FBXO10: variants seen among roughly 807,000 people sequenced by gnomAD.
FBXO10 encodes F-box only protein 10.
Under a neutral mutation model 80.7 loss-of-function variants are expected in FBXO10, and 39 were observed. The observed-to-expected ratio is 0.48, with a 90% CI of 0.37 to 0.63. The LOEUF (loss-of-function observed/expected upper bound fraction) is 0.63, where lower values mean the gene tolerates loss of function less well. Among genes scored for constraint, FBXO10 ranks in the 30% least tolerant of loss-of-function variants. The pLI is 0.00. For synonymous variants in FBXO10, 449 were observed against 489.6 expected, an observed-to-expected ratio of 0.92 and a Z score of 1.09; for missense variants, 1,025 against 1,269.0, an observed-to-expected ratio of 0.81 and a Z score of 2.92.
chr9:37,541,743 T>C lies in FBXO10; in HGVS notation c.26A>G (p.Glu9Gly). 1.9e-6 allele frequency: 3 copies of C among 1,603,324 alleles called. No homozygotes were observed. The highest frequency in any genetic ancestry group is 1.7e-6 in the Non-Finnish European group (2 of 1,173,012). The part of the protein sequence containing the change: MEAGGLPL[E>G]LWRMILAYLH... ...GTAGGCTAAGATCATGCGCCACAGC[T>C]CCAAGGGGAGGCCACCAGCCTCCAT... The change falls in exon 2 of 11, where the codon GAG becomes GGG. Residue 9 changes from glutamate to glycine, a missense_variant. By Grantham distance (98) the Glu-to-Gly change is moderately conservative (BLOSUM62 -2). This residue lies in a region of FBXO10 where 450 missense variants were observed against 499.4 expected (regional missense o/e 0.90). Coordinates refer to ENST00000432825, the MANE Select transcript of FBXO10 (RefSeq NM_012166.3).
Position 37,554,669 on chromosome 9 carries a change from G to A in FBXO10, c.-6-12895C>T, listed in dbSNP as rs543546659. Reference sequence around the variant, plus strand: ...GATTAGTTTTGTCTGTTCTAGAATTGCATATAAATGGGATCATGCAGTATG... The same window carrying A: ...GATTAGTTTTGTCTGTTCTAGAATTACATATAAATGGGATCATGCAGTATG... On this transcript the variant is annotated intron_variant, in intron 1 of 10. Transcript: ENST00000432825. Among the ~76,000 whole-genome samples the A allele has an allele frequency of 5.9e-5, 9 of 152,218 alleles. No homozygotes were observed. In the South Asian group the frequency reaches 8.3e-4, roughly 14 times the overall value.
chr9:37,544,586 T>C (rs1200177317), intron 1 of FBXO10, among the ~76,000 whole-genome samples: 1 of 152,246 alleles, frequency 6.6e-6, no homozygotes, highest in Non-Finnish European at 1.5e-5. Flanking sequence ...TGTCTGATTA[T>C]GTCTGGAAGA....
chr9:37,516,448 GTGCT>G (rs1349890992), intron 9 of FBXO10, among the ~76,000 whole-genome samples: 1 of 152,210 alleles, frequency 6.6e-6, no homozygotes, highest in Non-Finnish European at 1.5e-5. Flanking sequence ...TGCTCCCACA[GTGCT>G]CAGAGGCAAA....
At chr9:37,518,485 C>G in intron 8 of FBXO10, 47 bp from the exon 9 acceptor site, 4 of 1,483,374 alleles carry the variant, frequency 2.7e-6, no homozygotes, top group Non-Finnish European at 2.7e-6. Context: ...AGGGTCAGCC[C>G]TGACACCACC....
At chr9:37,521,488 A>T in intron 8 of FBXO10, 81 bp downstream of exon 8, 1 of 1,355,108 alleles carries the variant, frequency 7.4e-7, no homozygotes, top group Non-Finnish European at 9.7e-7. Flanking sequence ...AAATTAAATT[A>T]AAAGTTTTAA....
chr9:37,519,312 T>G (rs1821268024), intron 8 of FBXO10, among the ~76,000 whole-genome samples: 1 of 152,210 alleles, frequency 6.6e-6, no homozygotes, highest in African/African-American at 2.4e-5. Context: ...AAAGGAAAAC[T>G]GACGCTTGCG....
chr9:37,540,007 T>C (rs1821870562), intron 2 of FBXO10, among the ~76,000 whole-genome samples: 1 of 152,060 alleles, frequency 6.6e-6, no homozygotes, highest in South Asian at 2.1e-4. Flanking sequence ...AGTTTTCTCA[T>C]CTATAAAATC....
At chr9:37,539,255 C>G (rs1349299926) in intron 2 of FBXO10, among the ~76,000 whole-genome samples, 1 of 152,180 alleles carries the variant, frequency 6.6e-6, no homozygotes, top group African/African-American at 2.4e-5. Context: ...TATTTAAATC[C>G]ATTTTCTCTC....
rs1011334904 is a variant in FBXO10, at chr9:37,529,393, C to T, written c.1570-133G>A. The T allele has an allele frequency of 1.0e-5, 10 of 974,296 alleles. No individual in the cohort carries two copies. The African/African-American group carries it at 1.5e-4, about 14-fold the overall frequency. The allele number at this position is 974,296 out of a possible 1,614,324, so 60.4% of individuals were successfully genotyped here. On this transcript the variant is annotated intron_variant, in intron 4 of 10. Coordinates refer to ENST00000432825, the MANE Select transcript of FBXO10 (RefSeq NM_012166.3). The stretch of plus-strand genomic sequence containing the variant: ...ATGACGTCACTGTAAGAGCCCTAGC[C>T]CGTGACAAAGGGAATGGGTCACACT...
chr9:37,573,018 G>A (rs954007889), intron 1 of FBXO10, among the ~76,000 whole-genome samples: 4 of 152,112 alleles, frequency 2.6e-5, no homozygotes, highest in African/African-American at 4.8e-5. Context: ...GTGACCTGAC[G>A]ACCCCTCTTT....
At chr9:37,554,520 T>C (rs1309921564) in intron 1 of FBXO10, among the ~76,000 whole-genome samples, 3 of 152,166 alleles carry the variant, frequency 2.0e-5, no homozygotes, top group African/African-American at 7.2e-5. Flanking sequence ...TACCAAGAAA[T>C]GGAATACTCC....
At chr9:37,516,314 G>C (rs10973389) in intron 9 of FBXO10, among the ~76,000 whole-genome samples, 12,515 of 152,274 alleles carry the variant, frequency 0.082, 677 homozygotes, top group East Asian at 0.16. Context: ...ATGCACAACA[G>C]GGAGAGCTGT....
chr9:37,569,910 T>C (rs920780633), intron 1 of FBXO10, among the ~76,000 whole-genome samples: 1 of 152,228 alleles, frequency 6.6e-6, no homozygotes, highest in Non-Finnish European at 1.5e-5. Context: ...AAAGGATAAT[T>C]AGAAAATGTT....
chr9:37,556,150 T>C (rs1221533217), intron 1 of FBXO10, among the ~76,000 whole-genome samples: 1 of 152,206 alleles, frequency 6.6e-6, no homozygotes, highest in African/African-American at 2.4e-5. Context: ...TAGTGTGGGA[T>C]TATTTCTGGA....
chr9:37,544,760 C>T (rs577739280), intron 1 of FBXO10, among the ~76,000 whole-genome samples: 5 of 151,942 alleles, frequency 3.3e-5, no homozygotes, highest in Admixed American at 1.3e-4. Context: ...TTTGGGAGGC[C>T]GAGGTGGGCG....
chr9:37,521,475 T>C (rs1234919799), intron 8 of FBXO10, 94 bp downstream of exon 8: 1 of 1,350,676 alleles, frequency 7.4e-7, no homozygotes, highest in East Asian at 2.6e-5. Context: ...TACTTTTAAA[T>C]TTAAATTAAA....
At chr9:37,518,743 C>T (rs1821249767) in intron 8 of FBXO10, among the ~76,000 whole-genome samples, 1 of 152,098 alleles carries the variant, frequency 6.6e-6, no homozygotes, top group Admixed American at 6.5e-5. Context: ...ATGCCTCCTG[C>T]ACCACCGCCA....
Position 37,537,388 on chromosome 9 carries a change from G to A in FBXO10, c.1141C>T (p.Pro381Ser). 1 of 1,596,712 alleles carries A rather than the reference G, an allele frequency of 6.3e-7. No homozygotes were observed. The highest frequency in any genetic ancestry group is 8.5e-7 in the Non-Finnish European group (1 of 1,171,240). Residue 381 changes from proline (P) to serine (S), a missense_variant, in exon 3 of 11, where the codon CCA becomes TCA. Transcript: ENST00000432825. ...MYRLSYQVQG[P>S]RPVLGGSFLG... ...AATGAGCCCCCCAATACAGGGCGTG[G>A]GCCCTGCACTTGGTAGGATAGTCTG...
Position 37,537,132 on chromosome 9 carries a change from A to G in FBXO10, c.1397T>C (p.Val466Ala), listed in dbSNP as rs1323692181. The G allele has an allele frequency of 6.2e-7, 1 of 1,612,926 alleles. No homozygotes were observed. The highest frequency in any genetic ancestry group is 1.1e-5 in the South Asian group (1 of 90,942). Residue 466 changes from valine (V) to alanine (A), a missense_variant, in exon 3 of 11, where the codon GTG becomes GCG. By Grantham distance (64) the Val-to-Ala change is moderately conservative. This residue lies in a region of FBXO10 where 478 missense variants were observed against 667.8 expected (regional missense o/e 0.72). Coordinates refer to ENST00000432825, the MANE Select transcript of FBXO10 (RefSeq NM_012166.3). ...GNIFRNLTYAVRCIHNSKIIM... is the reference protein window; with the variant it reads ...GNIFRNLTYAARCIHNSKIIM... ...CACCTTGCTATTATGTATACACCGC[A>G]CTGCGTAAGTCAGGTTCCGGAAGAT...
Sources: gnomAD v4.1 joint callset for allele counts (sites outside exome capture counted in the v4.1 genomes callset) on GRCh38, gnomAD v4.1.1 for gene constraint, gnomAD v4.1.1 regional missense constraint, MANE v1.5 for transcripts, NCBI Gene and HGNC (gene_info 2026-07-23, HGNC 2026-07-21) for gene names.